The following ADAMTSL3 variants were observed in gnomAD, a reference collection of about 807,000 sequenced individuals.
The protein encoded by ADAMTSL3 is ADAMTS like 3.
Under a neutral mutation model 201.7 loss-of-function variants are expected in ADAMTSL3, and 128 were observed. The observed-to-expected ratio is 0.63, with a 90% CI of 0.55 to 0.73. ADAMTSL3 has a LOEUF of 0.73. Among genes scored for constraint, ADAMTSL3 ranks in the 30% least tolerant of loss-of-function variants. The pLI, the probability that ADAMTSL3 is intolerant of heterozygous loss-of-function variation, is 0.00. For synonymous variants in ADAMTSL3, 738 were observed against 748.4 expected (o/e 0.99, Z 0.23); for missense variants, 1,990 against 2,119.6 (o/e 0.94, Z 1.20).
At chr15:83,872,627 C>CACACACACACAG (rs6145659) in intron 9 of ADAMTSL3, among the ~76,000 whole-genome samples, 4,891 of 140,918 alleles carry the variant, frequency 0.035, 291 homozygotes, top group African/African-American at 0.093. Flanking sequence ...CACACACACA[C>CACACACACACAG]AGAGTTTTTG....
At chr15:83,890,268 C>A (rs73441324) in intron 11 of ADAMTSL3, 21 bp downstream of exon 11, 2 of 1,609,340 alleles carry the variant, frequency 1.2e-6, no homozygotes, top group Non-Finnish European at 1.7e-6. Flanking sequence ...TTGTCCACAC[C>A]CTTTTTACTT....
intron 14 of ADAMTSL3, 45 bp downstream of exon 14, chr15:83,898,050 C>A (rs2065652235): frequency 1.9e-6 from 3 of 1,549,890 alleles, no homozygotes; most frequent in Non-Finnish European, 2.6e-6. Context: ...TGGTATTTTC[C>A]AGCTCCCATT....
At chr15:83,774,890 A>G (rs1382979313) in intron 4 of ADAMTSL3, among the ~76,000 whole-genome samples, 1 of 149,168 alleles carries the variant, frequency 6.7e-6, no homozygotes, top group Non-Finnish European at 1.5e-5. Flanking sequence ...ACTCTTGCCC[A>G]GACTGGAGTG....
chr15:83,873,035 T>A (rs1300560856), intron 9 of ADAMTSL3, among the ~76,000 whole-genome samples: 1 of 145,768 alleles, frequency 6.9e-6, no homozygotes, highest in Admixed American at 6.7e-5. Context: ...CTGGGCGTGG[T>A]GGCTCATGCC....
intron 3 of ADAMTSL3, among the ~76,000 whole-genome samples, chr15:83,766,223 C>G (rs547542180): frequency 6.6e-6 from 1 of 152,200 alleles, no homozygotes; most frequent in East Asian, 1.9e-4. Flanking sequence ...CATTGCCTCA[C>G]CACAGCCCTT....
intron 28 of ADAMTSL3, among the ~76,000 whole-genome samples, chr15:84,033,693 G>A (rs971378329): frequency 1.3e-5 from 2 of 151,898 alleles, no homozygotes; most frequent in Admixed American, 6.6e-5. Context: ...AAAAAAACGT[G>A]CTCAAGTCCT....
chr15:83,880,375 C>T (rs1400715035), intron 9 of ADAMTSL3, among the ~76,000 whole-genome samples: 3 of 152,130 alleles, frequency 2.0e-5, no homozygotes, highest in African/African-American at 7.2e-5. Flanking sequence ...CAGGCCATCA[C>T]TGTTTTTGTA....
intron 4 of ADAMTSL3, among the ~76,000 whole-genome samples, chr15:83,800,034 A>G (rs973378199): frequency 3.9e-5 from 6 of 152,090 alleles, no homozygotes; most frequent in African/African-American, 1.5e-4. Context: ...AGCCACATCA[A>G]TAGAGGCCAG....
At chr15:83,716,625 TTGTG>T (rs1555433507) in intron 3 of ADAMTSL3, among the ~76,000 whole-genome samples, 23 of 150,352 alleles carry the variant, frequency 1.5e-4, no homozygotes, top group African/African-American at 3.7e-4. Context: ...TGTGTGTGTG[TTGTG>T]TGTGTGTGTG....
intron 9 of ADAMTSL3, among the ~76,000 whole-genome samples, chr15:83,879,079 C>T (rs1721212805): frequency 6.6e-6 from 1 of 152,076 alleles, no homozygotes; most frequent in Non-Finnish European, 1.5e-5. Flanking sequence ...ATTATTTGTT[C>T]ACTTTCTGAA....
chr15:83,866,807 T>C (rs2064989471), intron 8 of ADAMTSL3, among the ~76,000 whole-genome samples: 1 of 152,196 alleles, frequency 6.6e-6, no homozygotes, highest in Non-Finnish European at 1.5e-5. Flanking sequence ...AAAAATTCAT[T>C]TATGTGTATA....
intron 6 of ADAMTSL3, among the ~76,000 whole-genome samples, chr15:83,826,433 ATC>A (rs1343942806): frequency 8.0e-6 from 1 of 125,706 alleles, no homozygotes; most frequent in African/African-American, 3.5e-5. Context: ...CTGGAAGCAG[ATC>A]TTTTTTTTTT....
rs142450451 is a variant in ADAMTSL3, at chr15:83,707,102, A to G, written c.189+2594A>G. ...GACAAAACATTAAGATCAATTAAGAACAAAGTCTCTGGAGTCAGACTGCTT... is the reference window on the plus strand; with the variant it reads ...GACAAAACATTAAGATCAATTAAGAGCAAAGTCTCTGGAGTCAGACTGCTT... On this transcript the variant is annotated intron_variant, in intron 3 of 29. Coordinates refer to ENST00000286744, the MANE Select transcript of ADAMTSL3 (RefSeq NM_207517.3). Among the ~76,000 whole-genome samples the G allele has an allele frequency of 2.2e-3, 332 of 152,318 alleles. 2 individuals are homozygous for G. The highest frequency in any genetic ancestry group is 7.8e-3 in the African/African-American group (323 of 41,576).
At chr15:84,014,463 GTGAA>G (rs961277647) in intron 23 of ADAMTSL3, 75 bp from the exon 24 acceptor site, 1 of 1,329,608 alleles carries the variant, frequency 7.5e-7, no homozygotes, top group African/African-American at 1.5e-5. Flanking sequence ...GGTCAAAACA[GTGAA>G]TGGTATTTGT....
intron 8 of ADAMTSL3, among the ~76,000 whole-genome samples, chr15:83,864,793 G>A (rs1489205735): frequency 6.6e-6 from 1 of 152,106 alleles, no homozygotes; most frequent in Non-Finnish European, 1.5e-5. Context: ...GAAATAAAGG[G>A]TATTCAATTA....
chr15:83,844,254 A>G (rs2064447751), intron 7 of ADAMTSL3, among the ~76,000 whole-genome samples: 1 of 152,170 alleles, frequency 6.6e-6, no homozygotes, highest in Non-Finnish European at 1.5e-5. Flanking sequence ...AGATAAACAC[A>G]CACTCTTCTA....
chr15:83,928,890 G>A (rs2066297308), intron 17 of ADAMTSL3, among the ~76,000 whole-genome samples: 1 of 151,982 alleles, frequency 6.6e-6, no homozygotes, highest in South Asian at 2.1e-4. Flanking sequence ...GGCCTTTTAT[G>A]GTTTTTGTTC....
At chr15:83,956,490 C>G (rs1298902472) in intron 19 of ADAMTSL3, among the ~76,000 whole-genome samples, 1 of 152,124 alleles carries the variant, frequency 6.6e-6, no homozygotes, top group African/African-American at 2.4e-5. Context: ...ATCAATGTAG[C>G]CTTCTATTCT....
intron 26 of ADAMTSL3, among the ~76,000 whole-genome samples, chr15:84,023,228 A>G (rs2068237440): frequency 6.6e-6 from 1 of 152,256 alleles, no homozygotes; most frequent in Non-Finnish European, 1.5e-5. Flanking sequence ...CCTAGCAGAT[A>G]GTTGACCAAA....
Sources: gnomAD v4.1 joint callset for allele counts (sites outside exome capture counted in the v4.1 genomes callset) on GRCh38, gnomAD v4.1.1 for gene constraint, MANE v1.5 for transcripts, NCBI Gene and HGNC (gene_info 2026-07-23, HGNC 2026-07-21) for gene names.